SLC39A11: variants seen among roughly 807,000 people sequenced by gnomAD.
SLC39A11 encodes the protein zinc transporter ZIP11.
In SLC39A11, 33 loss-of-function variants were observed where a neutral mutation model predicts 36.1. The observed-to-expected ratio is 0.91, with a 90% confidence interval of 0.69 to 1.22. The LOEUF is 1.22. Ranked by LOEUF, SLC39A11 falls within the 50% of genes most tolerant of loss-of-function variation. The probability of loss-of-function intolerance (pLI) is 0.00; values close to 1 mark genes in which losing one functional copy is unlikely to be tolerated. For synonymous variants in SLC39A11, 166 were observed against 170.3 expected (o/e 0.97, Z 0.20); for missense variants, 432 against 430.3 (o/e 1.00, Z -0.03).
At chr17:72,715,183 A>T (rs1327924039) in intron 7 of SLC39A11, among the ~76,000 whole-genome samples, 2 of 152,226 alleles carry the variant, frequency 1.3e-5, no homozygotes, top group East Asian at 3.9e-4. Flanking sequence ...TCCTCCAGGA[A>T]GTACCCCTCT....
At chr17:73,000,731 C>G (rs1204510030) in intron 4 of SLC39A11, among the ~76,000 whole-genome samples, 1 of 152,210 alleles carries the variant, frequency 6.6e-6, no homozygotes, top group Non-Finnish European at 1.5e-5. Flanking sequence ...CAGAGGCCAA[C>G]TGAAGTTTTT....
intron 6 of SLC39A11, among the ~76,000 whole-genome samples, chr17:72,781,811 C>T (rs917406808): frequency 2.0e-5 from 3 of 151,426 alleles, no homozygotes; most frequent in Non-Finnish European, 4.4e-5. Context: ...AGATGCAAGA[C>T]GCTTTAATTT....
chr17:72,720,278 C>T (rs12937496), intron 7 of SLC39A11, among the ~76,000 whole-genome samples: 4 of 151,930 alleles, frequency 2.6e-5, no homozygotes, highest in South Asian at 2.1e-4. Flanking sequence ...GGGAGGGCCT[C>T]GGGGGAAAGA....
chr17:72,737,479 CT>C (rs2074480067), intron 6 of SLC39A11, among the ~76,000 whole-genome samples: 1 of 152,134 alleles, frequency 6.6e-6, no homozygotes, highest in South Asian at 2.1e-4. Flanking sequence ...TTCATAACCC[CT>C]GGCCTAAACA....
intron 7 of SLC39A11, chr17:72,725,395 A>T (rs372481416): frequency 2.0e-5 from 3 of 152,234 alleles, no homozygotes; most frequent in South Asian, 2.1e-4. Flanking sequence ...AACGAGCTTT[A>T]TAAATGCTTA....
intron 6 of SLC39A11, among the ~76,000 whole-genome samples, chr17:72,797,110 C>T (rs79628389): frequency 0.031 from 4,745 of 152,176 alleles, 269 homozygotes; most frequent in African/African-American, 0.11. Context: ...CACATTGTTC[C>T]ATGTTCAATG....
chr17:72,816,198 C>G (rs182863373), intron 6 of SLC39A11, among the ~76,000 whole-genome samples: 1 of 152,276 alleles, frequency 6.6e-6, no homozygotes. Context: ...GTCCTTTCAG[C>G]TCCATGACTA....
At chr17:72,803,555 G>C (rs1461245692) in intron 6 of SLC39A11, among the ~76,000 whole-genome samples, 1 of 152,174 alleles carries the variant, frequency 6.6e-6, no homozygotes, top group Non-Finnish European at 1.5e-5. Context: ...CTCATGGCGT[G>C]AAGGATTTAA....
chr17:72,885,939 G>A (rs1005125755), intron 5 of SLC39A11, among the ~76,000 whole-genome samples: 1 of 152,164 alleles, frequency 6.6e-6, no homozygotes, highest in Non-Finnish European at 1.5e-5. Flanking sequence ...GTCACCACTG[G>A]TGCCCATGTG....
chr17:73,050,475 T>G (rs1361843162), intron 3 of SLC39A11, among the ~76,000 whole-genome samples: 1 of 149,146 alleles, frequency 6.7e-6, no homozygotes, highest in East Asian at 2.0e-4. Context: ...TTTTTTTTTT[T>G]TTTTTTGAGA....
At chr17:73,011,199 C>T (rs1295151903) in intron 4 of SLC39A11, among the ~76,000 whole-genome samples, 1 of 152,186 alleles carries the variant, frequency 6.6e-6, no homozygotes, top group East Asian at 1.9e-4. Flanking sequence ...GCACAAGATG[C>T]ACCCCAAAGG....
chr17:72,746,634 A>C (rs957593257), intron 6 of SLC39A11, among the ~76,000 whole-genome samples: 46 of 152,196 alleles, frequency 3.0e-4, no homozygotes, highest in Non-Finnish European at 5.9e-4. Flanking sequence ...GCTACTCGGG[A>C]GGCTGAGACA....
intron 6 of SLC39A11, among the ~76,000 whole-genome samples, chr17:72,787,373 T>C (rs2076555549): frequency 6.8e-6 from 1 of 146,312 alleles, no homozygotes; most frequent in Non-Finnish European, 1.5e-5. Context: ...TTCTCCTGCC[T>C]CAGCCTCCCG....
chr17:72,768,902 AGGC>A (rs2075839104), intron 6 of SLC39A11, among the ~76,000 whole-genome samples: 1 of 152,012 alleles, frequency 6.6e-6, no homozygotes, highest in African/African-American at 2.4e-5. Flanking sequence ...CTGGGACTAT[AGGC>A]GCCCGCCACC....
intron 3 of SLC39A11, among the ~76,000 whole-genome samples, chr17:73,048,522 T>C (rs1333176487): frequency 6.6e-6 from 1 of 152,196 alleles, no homozygotes; most frequent in Non-Finnish European, 1.5e-5. Context: ...CTTTTTAATA[T>C]AATCATCTAT....
chr17:72,960,224 G>A (rs569235135), intron 4 of SLC39A11, among the ~76,000 whole-genome samples: 1 of 152,186 alleles, frequency 6.6e-6, no homozygotes, highest in Admixed American at 6.5e-5. Context: ...GGAACCCTTG[G>A]CCTCAAAATG....
At chr17:72,649,600 A>AT (rs913903047) in intron 7 of SLC39A11, among the ~76,000 whole-genome samples, 33 of 144,252 alleles carry the variant, frequency 2.3e-4, no homozygotes, top group African/African-American at 8.4e-4. Context: ...TGCACTTTTC[A>AT]TTTTACTTTC....
intron 4 of SLC39A11, among the ~76,000 whole-genome samples, chr17:73,011,340 G>A (rs1393388953): frequency 2.0e-5 from 3 of 152,206 alleles, no homozygotes. Flanking sequence ...GCTGCAGACG[G>A]CAGTTAGGGC....
chr17:72,983,223 C>T (rs2088466497), intron 4 of SLC39A11, among the ~76,000 whole-genome samples: 1 of 152,020 alleles, frequency 6.6e-6, no homozygotes, highest in Non-Finnish European at 1.5e-5. Context: ...GATCTCAGCT[C>T]ACTGCAGCCT....
Sources: allele counts gnomAD v4.1 joint callset (sites outside exome capture counted in the v4.1 genomes callset), GRCh38; gene constraint gnomAD v4.1.1; transcripts MANE v1.5; gene names NCBI Gene and HGNC (gene_info 2026-07-23, HGNC 2026-07-21).